Variants in RASSF3 observed in about 807,000 individuals in gnomAD.
The protein encoded by RASSF3 is ras association domain-containing protein 3.
In RASSF3, 19 loss-of-function variants were observed where a neutral mutation model predicts 19.9. That is an observed-to-expected ratio of 0.96 (90% CI 0.67 to 1.40). The LOEUF (loss-of-function observed/expected upper bound fraction) is 1.40, where lower values mean the gene tolerates loss of function less well. Among genes scored for constraint, RASSF3 ranks in the 40% most tolerant of loss-of-function variants. RASSF3 has a pLI of 0.00. For synonymous variants in RASSF3, 110 were observed against 104.2 expected (o/e 1.06, Z -0.34); for missense variants, 306 against 289.8 (o/e 1.06, Z -0.41).
intron 1 of RASSF3, among the ~76,000 whole-genome samples, chr12:64,636,742 T>C (rs1871341190): frequency 6.6e-6 from 1 of 151,864 alleles, no homozygotes; most frequent in African/African-American, 2.4e-5. Flanking sequence ...GGTGCATGCC[T>C]GTAATCCCAG....
At chr12:64,643,006 C>T (rs1871599893) in intron 1 of RASSF3, among the ~76,000 whole-genome samples, 2 of 152,030 alleles carry the variant, frequency 1.3e-5, no homozygotes, top group African/African-American at 4.8e-5. Context: ...ACTACAGGCA[C>T]ATGGCACCAC....
At chr12:64,613,758 C>T (rs2620722) in intron 1 of RASSF3, among the ~76,000 whole-genome samples, 10,435 of 151,976 alleles carry the variant, frequency 0.069, 429 homozygotes, top group Non-Finnish European at 0.098. Flanking sequence ...CCAGCCTGGA[C>T]AACATGGTGA....
chr12:64,550,302 G>A (rs1015269643), intron 2 of RASSF3, among the ~76,000 whole-genome samples: 1 of 151,934 alleles, frequency 6.6e-6, no homozygotes, highest in Non-Finnish European at 1.5e-5. Flanking sequence ...GGAAAGAAAG[G>A]GAGAAGAGAG....
chr12:64,604,994 A>G (rs1158997290), intron 2 of RASSF3, among the ~76,000 whole-genome samples: 1 of 134,952 alleles, frequency 7.4e-6, no homozygotes, highest in South Asian at 2.3e-4. Context: ...TTTTATTTTT[A>G]TTTTTTTTTT....
intron 1 of RASSF3, chr12:64,515,743 A>C (rs1483066157): frequency 6.6e-6 from 1 of 152,060 alleles, no homozygotes; most frequent in East Asian, 1.9e-4. Context: ...CAGCCAGGTC[A>C]CGAACTCCTG....
At chr12:64,676,891 C>T (rs1255066077) in intron 1 of RASSF3, among the ~76,000 whole-genome samples, 1 of 152,110 alleles carries the variant, frequency 6.6e-6, no homozygotes, top group Non-Finnish European at 1.5e-5. Flanking sequence ...GCCTCAGCCT[C>T]CCAAGTAGCT....
At chr12:64,562,879 T>C (rs904496347) in intron 2 of RASSF3, among the ~76,000 whole-genome samples, 2 of 152,102 alleles carry the variant, frequency 1.3e-5, no homozygotes, top group Admixed American at 1.3e-4. Context: ...CCTCCTACCC[T>C]TGCCTCACAA....
chr12:64,668,355 T>C (rs933055544), intron 1 of RASSF3, among the ~76,000 whole-genome samples: 1 of 151,948 alleles, frequency 6.6e-6, no homozygotes, highest in African/African-American at 2.4e-5. Flanking sequence ...CTCCGTTCAC[T>C]GTAGCTTCCA....
chr12:64,574,593 T>C (rs1017753984), intron 2 of RASSF3, among the ~76,000 whole-genome samples: 1 of 152,196 alleles, frequency 6.6e-6, no homozygotes, highest in Admixed American at 6.5e-5. Context: ...AAATTTGAAA[T>C]GAGCTTGCCT....
rs141922096 is a variant in RASSF3 at position 64,590,535 on chromosome 12, T to G, written c.294+48830T>G. ...ACACATATGTGCACGCAAACATTTT[T>G]AAGTAGTTTTAGACTATTTATTACA... On this transcript the variant is annotated intron_variant, in intron 2 of 5. Transcript: ENST00000637125. Among the ~76,000 whole-genome samples, 267 of 152,346 alleles carry G rather than the reference T, an allele frequency of 1.8e-3. 1 individual carries two copies. Among genetic ancestry groups the G allele is most frequent in the African/African-American group, 6.3e-3 (263 of 41,586 alleles).
At chr12:64,596,476 G>A (rs1870000878) in intron 2 of RASSF3, among the ~76,000 whole-genome samples, 1 of 152,160 alleles carries the variant, frequency 6.6e-6, no homozygotes, top group Non-Finnish European at 1.5e-5. Flanking sequence ...TGGCACCAGT[G>A]ATGTTCAAGG....
At chr12:64,578,188 A>C (rs1869628736) in intron 2 of RASSF3, among the ~76,000 whole-genome samples, 1 of 152,174 alleles carries the variant, frequency 6.6e-6, no homozygotes. Flanking sequence ...ACACCACTGC[A>C]CTCCAGCCTG....
intron 1 of RASSF3, among the ~76,000 whole-genome samples, chr12:64,680,392 C>T (rs1051884089): frequency 6.6e-6 from 1 of 151,944 alleles, no homozygotes; most frequent in Non-Finnish European, 1.5e-5. Flanking sequence ...TCCACTTGTG[C>T]AGACACCACG....
chr12:64,519,440 T>C (rs1273607497), intron 1 of RASSF3, among the ~76,000 whole-genome samples: 1 of 151,906 alleles, frequency 6.6e-6, no homozygotes, highest in Non-Finnish European at 1.5e-5. Context: ...TTTAGGATGA[T>C]AGAAATCAGA....
intron 1 of RASSF3, among the ~76,000 whole-genome samples, chr12:64,540,373 A>G (rs1281600424): frequency 6.6e-6 from 1 of 152,196 alleles, no homozygotes; most frequent in African/African-American, 2.4e-5. Flanking sequence ...CTTACTTTGG[A>G]AACAGTTTGA....
chr12:64,516,342 G>A (rs1046056129), intron 1 of RASSF3, among the ~76,000 whole-genome samples: 10 of 152,298 alleles, frequency 6.6e-5, no homozygotes, highest in South Asian at 4.1e-4. Context: ...GATACCGGCC[G>A]GGCGCGGTGG....
chr12:64,527,664 G>A (rs1329675825), intron 1 of RASSF3, among the ~76,000 whole-genome samples: 1 of 152,230 alleles, frequency 6.6e-6, no homozygotes, highest in African/African-American at 2.4e-5. Flanking sequence ...ACTGGGTGTG[G>A]TGGCTCATGC....
intron 2 of RASSF3, among the ~76,000 whole-genome samples, chr12:64,602,673 C>T (rs1870113448): frequency 6.6e-6 from 1 of 151,900 alleles, no homozygotes; most frequent in Non-Finnish European, 1.5e-5. Context: ...CCACGCTGAG[C>T]CCAGGAGTTC....
intron 2 of RASSF3, among the ~76,000 whole-genome samples, chr12:64,687,887 C>T (rs571305207): frequency 1.3e-5 from 2 of 152,114 alleles, no homozygotes; most frequent in South Asian, 2.1e-4. Flanking sequence ...GCATCTGCTC[C>T]GTTGGATTGT....
Sources: gnomAD v4.1 joint callset for allele counts (sites outside exome capture counted in the v4.1 genomes callset) on GRCh38, gnomAD v4.1.1 for gene constraint, MANE v1.5 for transcripts, NCBI Gene and HGNC (gene_info 2026-07-23, HGNC 2026-07-21) for gene names.